KLF10: variants seen among roughly 807,000 people sequenced by gnomAD.
The protein encoded by KLF10 is Krueppel-like factor 10.
KLF10 carries 17 observed loss-of-function variants against 31.6 expected under a neutral mutation model. The ratio of observed to expected loss-of-function variants is 0.54; its 90% CI spans 0.37 to 0.81. KLF10 has a LOEUF of 0.81. Among genes scored for constraint, KLF10 ranks in the 30% least tolerant of loss-of-function variants. KLF10 has a pLI of 0.00. For missense variants in KLF10, 525 were observed against 598.1 expected (o/e 0.88, Z 1.27); for synonymous variants, 239 against 215.1 (o/e 1.11, Z -0.97).
chr8:102,653,660 CAATAT>C (rs979425838), intron 1 of KLF10: 12 of 1,306,052 alleles, frequency 9.2e-6, no homozygotes, highest in African/African-American at 7.7e-5. Flanking sequence ...ATATCGCTAA[CAATAT>C]AATTGCATAA....
rs1232719190 is a variant in KLF10, at chr8:102,652,016, CTT to C, written c.314_315del (p.Gln105ArgfsTer56). 5 of 1,612,468 alleles carry C rather than the reference CTT, an allele frequency of 3.1e-6. No individual in the cohort carries two copies. Among genetic ancestry groups the C allele is most frequent in the Admixed American group, 1.7e-5 (1 of 59,650 alleles). On this transcript the variant is annotated frameshift_variant, in exon 3 of 4. Transcript: ENST00000285407. LOFTEE classifies it high-confidence loss of function. The part of the protein sequence containing the change: ...PYSPSDFEPS[Q>X]VSNLMAPAPS... Reference sequence around the variant, plus strand: ...GGCGCTGGTGCCATCAGATTTGACACTTGAGAGGGTTCAAAGTCAGAAGGACT... The same window carrying C: ...GGCGCTGGTGCCATCAGATTTGACACGAGAGGGTTCAAAGTCAGAAGGACT...
intron 1 of KLF10, among the ~76,000 whole-genome samples, chr8:102,655,293 C>CT (rs1225635481): frequency 2.6e-5 from 4 of 152,024 alleles, no homozygotes; most frequent in African/African-American, 4.8e-5. Flanking sequence ...TCTCGGGTCT[C>CT]CATGCGGAGT....
rs759916201 is a variant in KLF10, at chr8:102,652,366, G to A, written c.68C>T (p.Pro23Leu). ...EERMEMISER[P>L]KESMYSWNKT... is the part of the protein sequence containing the mutation. ...GTTCCAGGAATACATACTCTCTTTT[G>A]GCCTTTCAGAAATCATTTCCATTCT... The change falls in exon 2 of 4, where the codon CCA (proline) becomes CTA (leucine). Residue 23 changes from proline to leucine, a missense_variant. Physicochemically the swap from Pro to Leu is moderately conservative, Grantham distance 98 (BLOSUM62 -3). Coordinates refer to ENST00000285407, the MANE Select transcript of KLF10 (RefSeq NM_005655.4). 4.4e-6 allele frequency: 7 copies of A among 1,600,756 alleles called. No individual in the cohort carries two copies. The highest frequency in any genetic ancestry group is 1.7e-5 in the Admixed American group (1 of 59,226).
chr8:102,650,515 A>T, intron 3 of KLF10, 124 bp from the exon 4 acceptor site: 2 of 990,470 alleles, frequency 2.0e-6, no homozygotes, highest in Non-Finnish European at 2.9e-6. Flanking sequence ...TCAAACTGTC[A>T]AATGAATATG....
chr8:102,654,042 C>T (rs932287089), intron 1 of KLF10: 44 of 956,510 alleles, frequency 4.6e-5, no homozygotes, highest in Non-Finnish European at 5.2e-5. Flanking sequence ...CATTGGCCGG[C>T]CGGCTCGGCG....
chr8:102,650,031 C>A lies in KLF10; in HGVS notation c.*101G>T, dbSNP rs1827167251. 1.4e-6 allele frequency: 2 copies of A among 1,458,722 alleles called. No individual in the cohort carries two copies. Among genetic ancestry groups the A allele is most frequent in the East Asian group, 2.4e-5 (1 of 41,374 alleles). The allele number at this position is 1,458,722 out of a possible 1,614,324, so 90.4% of individuals were successfully genotyped here. ...CAGGCTGTGGGGCTTCTGCTTTAAG[C>A]CCACGTTGTGGGGCCACAGACTTGC... On this transcript the variant is annotated 3_prime_UTR_variant, in exon 4 of 4. Coordinates refer to ENST00000285407, the MANE Select transcript of KLF10 (RefSeq NM_005655.4).
intron 1 of KLF10, among the ~76,000 whole-genome samples, chr8:102,653,287 A>C (rs1275456250): frequency 1.3e-5 from 2 of 152,250 alleles, no homozygotes; most frequent in African/African-American, 4.8e-5. Context: ...TTAATATTCT[A>C]CTTGGAATTT....
At position 102,650,169 on chromosome 8, in the gene KLF10, T is replaced by C; in HGVS notation, c.1406A>G (p.Asp469Gly). Residue 469 changes from aspartate to glycine, a missense_variant, in exon 4 of 4, where the codon GAC becomes GGC. Physicochemically the swap from Asp to Gly is moderately conservative, Grantham distance 94. Around this residue, in one of 3 missense-constraint regions of KLF10, gnomAD observed 42 missense variants for 42.4 expected, o/e 0.99. Transcript: ENST00000285407. ...AGCAGGGGTTGGAGGTAGAGCAATG[T>C]CATTTAGCTTGCTCACTTCCATCTG... ...NWQMEVSKLN[D>G]IALPPTPAPT... 1 of 1,614,244 alleles carries C rather than the reference T, an allele frequency of 6.2e-7. No homozygotes were observed. The highest frequency in any genetic ancestry group is 8.5e-7 in the Non-Finnish European group (1 of 1,180,040).
intron 3 of KLF10, among the ~76,000 whole-genome samples, chr8:102,650,792 G>GTT (rs1257586531): frequency 6.6e-6 from 1 of 150,640 alleles, no homozygotes; most frequent in Non-Finnish European, 1.5e-5. Context: ...CCTTATTAAA[G>GTT]TAACTACTCA....
chr8:102,653,401 T>C, intron 1 of KLF10: 1 of 1,330,208 alleles, frequency 7.5e-7, no homozygotes, highest in Non-Finnish European at 1.0e-6. Context: ...TTGCACTTAT[T>C]TGTAGAACTA....
At chr8:102,655,154 G>C (rs1827333010) in intron 1 of KLF10, among the ~76,000 whole-genome samples, 1 of 151,972 alleles carries the variant, frequency 6.6e-6, no homozygotes, top group African/African-American at 2.4e-5. Context: ...ATCTCTCCTC[G>C]GTACCAGGTG....
Position 102,652,412 on chromosome 8 carries a change from G to C in KLF10, c.37-15C>G, listed in dbSNP as rs375715461. On this transcript the variant is annotated splice_polypyrimidine_tract_variant and intron_variant, in intron 1 of 3. Transcript: ENST00000285407. ...ATTCTTTCCTCCTATAAAAACAAAA[G>C]AGGAAAGCTTATAAGCATATTTTTT... 2.0e-6 allele frequency: 3 copies of C among 1,475,270 alleles called. No homozygotes were observed. The highest frequency in any genetic ancestry group is 2.8e-6 in the Non-Finnish European group (3 of 1,084,908). 91.4% of individuals were successfully genotyped at this position (1,475,270 alleles called of 1,614,324 possible).
In KLF10 at chr8:102,651,811, G is replaced by A. The variant is rs776282556; in HGVS notation, c.521C>T (p.Ala174Val). The A allele has an allele frequency of 8.7e-6, 14 of 1,614,108 alleles. No homozygotes were observed. The South Asian group carries it at 1.5e-4, about 18-fold the overall frequency. ...GTTCTGATAGTTGAGGATGCTGGCT[G>A]CTTTCATTGGGCAGGTCTGGTGGTT... ...LCNHQTCPMK[A>V]ASILNYQNNS... Residue 174 changes from alanine (A) to valine (V), a missense_variant, in exon 3 of 4, where the codon GCA becomes GTA. Transcript: ENST00000285407.
chr8:102,654,989 C>T (rs1477274229), intron 1 of KLF10, among the ~76,000 whole-genome samples: 1 of 152,076 alleles, frequency 6.6e-6, no homozygotes, highest in Admixed American at 6.5e-5. Context: ...TTCCCCCAGC[C>T]CCGAGCTATC....
rs1349715596 is a variant in KLF10 at position 102,651,545 on chromosome 8, AT to A, written c.786del (p.Ser263LeufsTer24). On this transcript the variant is annotated frameshift_variant, in exon 3 of 4. Transcript: ENST00000285407. LOFTEE classifies it high-confidence loss of function. The part of the protein sequence containing the change: ...QKSVLVSPPA[V>X]SAGGVPPMPV... Reference sequence around the variant, plus strand: ...GGCATAGGTGGCACTCCCCCTGCAGATACTGCAGGTGGAGAGACCAACACTG... The same window carrying A: ...GGCATAGGTGGCACTCCCCCTGCAGAACTGCAGGTGGAGAGACCAACACTG... The A allele has an allele frequency of 6.2e-7, 1 of 1,613,960 alleles. No individual in the cohort carries two copies. Among genetic ancestry groups the A allele is most frequent in the South Asian group, 1.1e-5 (1 of 91,074 alleles).
chr8:102,651,122 A>G, intron 3 of KLF10, 27 bp downstream of exon 3: 1 of 1,488,122 alleles, frequency 6.7e-7, no homozygotes, highest in Non-Finnish European at 9.0e-7. Flanking sequence ...TCATTTAAAC[A>G]CTAAAGATAT....
rs538291683 is a variant in KLF10 at position 102,654,876 on chromosome 8, C to T, written c.36+690G>A. Among the ~76,000 whole-genome samples, 27 of 152,240 alleles carry T rather than the reference C, an allele frequency of 1.8e-4. No individual in the cohort carries two copies. The South Asian group carries it at 2.3e-3, about 13-fold the overall frequency. On this transcript the variant is annotated intron_variant, in intron 1 of 3. Transcript: ENST00000285407. Reference sequence around the variant, plus strand: ...AGTCGTCAGAAGGCGGCCACCTGCCCCTGGGGTAAGAGTCCCCCTCCAGAC... The same window carrying T: ...AGTCGTCAGAAGGCGGCCACCTGCCTCTGGGGTAAGAGTCCCCCTCCAGAC...
chr8:102,651,184 C>A lies in KLF10; in HGVS notation c.1148G>T (p.Ser383Ile). Reference sequence around the variant, plus strand: ...CCTCGTGTGGGCCTTCAGATGGGAACTTTTAAAGTATGTCTTGCCACATCC... The same window carrying A: ...CCTCGTGTGGGCCTTCAGATGGGAAATTTTAAAGTATGTCTTGCCACATCC... ...HPGCGKTYFK[S>I]SHLKAHTRTH... Residue 383 changes from serine to isoleucine, a missense_variant, in exon 3 of 4, where the codon AGT becomes ATT. This residue lies in a region of KLF10 where 49 missense variants were observed against 105.0 expected (regional missense o/e 0.47). Coordinates refer to ENST00000285407, the MANE Select transcript of KLF10 (RefSeq NM_005655.4). 1 of 1,515,494 alleles carries A rather than the reference C, an allele frequency of 6.6e-7. No homozygotes were observed. Among genetic ancestry groups the A allele is most frequent in the Non-Finnish European group, 8.8e-7 (1 of 1,130,798 alleles). 93.9% of individuals were successfully genotyped at this position (1,515,494 alleles called of 1,614,324 possible).
Position 102,651,871 on chromosome 8 carries a change from C to T in KLF10, c.461G>A (p.Ser154Asn). Residue 154 changes from serine to asparagine, a missense_variant, in exon 3 of 4, where the codon AGT (serine) becomes AAT (asparagine). Ser to Asn is a conservative substitution (Grantham distance 46). This residue lies in a region of KLF10 where 434 missense variants were observed against 450.7 expected (regional missense o/e 0.96). Transcript: ENST00000285407. Reference protein sequence around the residue: ...APKLPKAQATSVIRHTADAQL... With the variant: ...APKLPKAQATNVIRHTADAQL... ...GGCATCAGCTGTATGACGAATCACA[C>T]TTGTTGCCTGAGCTTTGGGGAGTTT... The T allele has an allele frequency of 6.2e-7, 1 of 1,614,170 alleles. No individual in the cohort carries two copies. The highest frequency in any genetic ancestry group is 8.5e-7 in the Non-Finnish European group (1 of 1,180,032).
Sources: gnomAD v4.1 joint callset for allele counts (sites outside exome capture counted in the v4.1 genomes callset) on GRCh38, gnomAD v4.1.1 for gene constraint, gnomAD v4.1.1 regional missense constraint, MANE v1.5 for transcripts, NCBI Gene and HGNC (gene_info 2026-07-23, HGNC 2026-07-21) for gene names.